The following LMO3 variants were observed in gnomAD, a reference collection of about 807,000 sequenced individuals.
LMO3 encodes LIM domain only 3.
In LMO3, 2 loss-of-function variants were observed where a neutral mutation model predicts 15.8. The ratio of observed to expected loss-of-function variants is 0.13; its 90% CI spans 0.05 to 0.40. The LOEUF is 0.40. Among genes scored for constraint, LMO3 ranks in the 10% least tolerant of loss-of-function variants. The probability of loss-of-function intolerance (pLI) is 0.99; values close to 1 mark genes in which losing one functional copy is unlikely to be tolerated. For synonymous variants in LMO3, 62 were observed against 63.8 expected (o/e 0.97, Z 0.13); for missense variants, 86 against 182.2 (o/e 0.47, Z 3.04).
rs1942984378 is a variant in LMO3, at chr12:16,576,014, T to C, written c.207-15476A>G. Among the ~76,000 whole-genome samples, 1 of 152,062 alleles carries C rather than the reference T, an allele frequency of 6.6e-6. No homozygotes were observed. The highest frequency in any genetic ancestry group is 6.6e-5 in the Admixed American group (1 of 15,264). On this transcript the variant is annotated intron_variant, in intron 2 of 3. Transcript: ENST00000537304. This position sits in a 1 kb window ranked among gnomAD's most constrained non-coding sequence, Gnocchi z 4.1. ...TGCCTCCTCTTCTCAGACCCCCAAA[T>C]CTAGCCCTGCCGCTGTGTTAAAAGG...
At chr12:16,575,655 G>C (rs190920499) in intron 2 of LMO3, among the ~76,000 whole-genome samples, 13 of 152,228 alleles carry the variant, frequency 8.5e-5, no homozygotes, top group Admixed American at 2.6e-4. Context: ...GCGTCACATA[G>C]ATAGATAATA....
intron 2 of LMO3, among the ~76,000 whole-genome samples, chr12:16,572,339 CTTTTTTTT>C (rs59773866): frequency 7.4e-4 from 66 of 89,532 alleles, no homozygotes; most frequent in African/African-American, 2.3e-3. Flanking sequence ...GGTCCAAACT[CTTTTTTTT>C]TTTTTTTTTT....
intron 2 of LMO3, among the ~76,000 whole-genome samples, chr12:16,570,555 T>C (rs1942780772): frequency 6.6e-6 from 1 of 152,188 alleles, no homozygotes; most frequent in East Asian, 1.9e-4. Context: ...GACATTTTCT[T>C]AGATCTTTGT....
intron 3 of LMO3, among the ~76,000 whole-genome samples, chr12:16,557,991 A>ACTT (rs1346869660): frequency 7.9e-5 from 12 of 152,076 alleles, no homozygotes; most frequent in African/African-American, 2.7e-4. Context: ...TGAAGATACA[A>ACTT]CTTATATATC....
rs1039377288 is a variant in LMO3 at position 16,576,434 on chromosome 12, C to T, written c.207-15896G>A. On this transcript the variant is annotated intron_variant, in intron 2 of 3. Transcript: ENST00000537304. This position sits in a 1 kb window ranked among gnomAD's most constrained non-coding sequence, Gnocchi z 4.1. ...TAAATCTATTCTTCCTGGAAGACTACTGCTGCTTTTTTTTCATATTCAGAT... is the reference window on the plus strand; with the variant it reads ...TAAATCTATTCTTCCTGGAAGACTATTGCTGCTTTTTTTTCATATTCAGAT... Among the ~76,000 whole-genome samples, 1 of 152,186 alleles carries T rather than the reference C, an allele frequency of 6.6e-6. No individual in the cohort carries two copies. Among genetic ancestry groups the T allele is most frequent in the Non-Finnish European group, 1.5e-5 (1 of 68,028 alleles).
Position 16,568,664 on chromosome 12 carries a change from C to T in LMO3, c.207-8126G>A, listed in dbSNP as rs115806792. 4.6e-3 allele frequency among the ~76,000 whole-genome samples: 700 copies of T among 152,302 alleles called. 7 individuals carry two copies. Among genetic ancestry groups the T allele is most frequent in the African/African-American group, 0.016 (666 of 41,564 alleles). On this transcript the variant is annotated intron_variant, in intron 2 of 3. Coordinates refer to ENST00000537304, the MANE Select transcript of LMO3 (RefSeq NM_018640.5). ...ACATTGAGATGGTAATCTTTGGATA[C>T]ATTGCATTAAATACGTTGTTTAAAA...
chr12:16,604,188 G>C lies in LMO3; in HGVS notation c.-9+1878C>G, dbSNP rs1392636156. Among the ~76,000 whole-genome samples, 1 of 152,086 alleles carries C rather than the reference G, an allele frequency of 6.6e-6. No individual in the cohort carries two copies. ...GCCCCCAACCCAGGTTGGAAAACTG[G>C]ATTGGGCCTAAAAGCTTGTTTCTCT... On this transcript the variant is annotated intron_variant, in intron 1 of 3. Coordinates refer to ENST00000537304, the MANE Select transcript of LMO3 (RefSeq NM_018640.5). This position sits in a 1 kb window ranked among gnomAD's most constrained non-coding sequence, Gnocchi z 5.3.
At chr12:16,566,039 T>TAAAA (rs1565488443) in intron 2 of LMO3, among the ~76,000 whole-genome samples, 1 of 86,506 alleles carries the variant, frequency 1.2e-5, no homozygotes, top group Non-Finnish European at 2.3e-5. Flanking sequence ...TATATATATA[T>TAAAA]AAAATGGAGT....
rs1030447747 is a variant in LMO3, at chr12:16,597,280, GA to G, written c.206+3374del. Among the ~76,000 whole-genome samples, 1 of 150,678 alleles carries G rather than the reference GA, an allele frequency of 6.6e-6. No homozygotes were observed. Among genetic ancestry groups the G allele is most frequent in the Admixed American group, 6.6e-5 (1 of 15,130 alleles). ...ATATAGCTACTAGTGCCATAAAGGAGAAAAAAAATGGAAAGACATCAAATTT... is the reference window on the plus strand; with the variant it reads ...ATATAGCTACTAGTGCCATAAAGGAGAAAAAAATGGAAAGACATCAAATTT... On this transcript the variant is annotated intron_variant, in intron 2 of 3. Transcript: ENST00000537304. The surrounding 1 kb of genome is among the most constrained non-coding windows in gnomAD (Gnocchi z 5.0).
chr12:16,562,781 C>A (rs952548769), intron 2 of LMO3, among the ~76,000 whole-genome samples: 3 of 152,202 alleles, frequency 2.0e-5, no homozygotes, highest in Admixed American at 6.5e-5. Context: ...TAATAACAGA[C>A]AAATGATTTG....
intron 2 of LMO3, among the ~76,000 whole-genome samples, chr12:16,571,278 A>G (rs1942805193): frequency 2.0e-5 from 3 of 152,134 alleles, no homozygotes. Flanking sequence ...CAAAGGCATC[A>G]GTATTTTATT....
In LMO3 at chr12:16,583,046, CAAA is replaced by C. The variant is rs55665813; in HGVS notation, c.206+17606_206+17608del. The stretch of plus-strand genomic sequence containing the variant: ...TGGGTGACAGTGCGAGACTCCGCCT[CAAA>C]AAAAAAAAAAAAAAAAATCTAAACT... On this transcript the variant is annotated intron_variant, in intron 2 of 3. Transcript: ENST00000537304. 7.8e-3 allele frequency among the ~76,000 whole-genome samples: 989 copies of C among 126,676 alleles called. 12 individuals carry two copies. Among genetic ancestry groups the C allele is most frequent in the African/African-American group, 0.025 (841 of 33,014 alleles). The allele number at this position is 126,676 out of a possible 152,430, so 83.1% of individuals were successfully genotyped here.
At position 16,551,236 on chromosome 12, in the gene LMO3, G is replaced by C; in HGVS notation, c.424C>G (p.Pro142Ala). 1 of 1,604,210 alleles carries C rather than the reference G, an allele frequency of 6.2e-7. No individual in the cohort carries two copies. Residue 142 changes from proline (P) to alanine (A), a missense_variant, in exon 4 of 4, where the codon CCC becomes GCC. Physicochemically the swap from Pro to Ala is conservative, Grantham distance 27. This residue lies in a region of LMO3 where 19 missense variants were observed against 20.0 expected (regional missense o/e 0.95). Transcript: ENST00000537304. ...EEGLMKEGYA[P>A]QVR ...ATGTTGATAGATCAGCGAACCTGGG[G>C]TGCATAACCTTCTTTCATTAAACCT...
intron 2 of LMO3, among the ~76,000 whole-genome samples, chr12:16,570,246 C>T (rs1043397443): frequency 6.6e-6 from 1 of 152,032 alleles, no homozygotes; most frequent in Non-Finnish European, 1.5e-5. Flanking sequence ...TAATACTTTC[C>T]TAAAAATCGG....
chr12:16,581,462 A>G (rs1472465574), intron 2 of LMO3, among the ~76,000 whole-genome samples: 2 of 152,214 alleles, frequency 1.3e-5, no homozygotes, highest in Non-Finnish European at 2.9e-5. Flanking sequence ...GAAAAATAAT[A>G]CTAAAATATA....
In LMO3 at chr12:16,555,063, T is replaced by TAAC. The variant is rs377401304; in HGVS notation, c.333-3739_333-3737dup. ...TTCCTCATCTGTCAAATGAAGCTAA[T>TAAC]AACTACCTATTTATGGGATATTTTG... is the stretch of plus-strand genomic sequence containing the variant. On this transcript the variant is annotated intron_variant, in intron 3 of 3. Transcript: ENST00000537304. The surrounding 1 kb of genome is among the most constrained non-coding windows in gnomAD (Gnocchi z 5.5). Among the ~76,000 whole-genome samples the TAAC allele has an allele frequency of 2.0e-5, 3 of 152,370 alleles. No individual in the cohort carries two copies. Among genetic ancestry groups the TAAC allele is most frequent in the African/African-American group, 7.2e-5 (3 of 41,590 alleles).
At chr12:16,574,160 G>A (rs1265802418) in intron 2 of LMO3, among the ~76,000 whole-genome samples, 6 of 152,052 alleles carry the variant, frequency 3.9e-5, no homozygotes, top group Non-Finnish European at 7.4e-5. Context: ...AAGACCCAGA[G>A]TAAGTTAGAG....
At chr12:16,552,606 A>T (rs1232908733) in intron 3 of LMO3, among the ~76,000 whole-genome samples, 1 of 152,060 alleles carries the variant, frequency 6.6e-6, no homozygotes, top group Non-Finnish European at 1.5e-5. Context: ...AAAAAAGTAG[A>T]CTGAAAAGAA....
At chr12:16,563,074 C>A (rs912828606) in intron 2 of LMO3, among the ~76,000 whole-genome samples, 4 of 152,292 alleles carry the variant, frequency 2.6e-5, no homozygotes, top group South Asian at 2.1e-4. Context: ...TCGCTGGAGG[C>A]TCCATCAGTT....
Sources: gnomAD v4.1 joint callset for allele counts (sites outside exome capture counted in the v4.1 genomes callset) on GRCh38, gnomAD v4.1.1 for gene constraint, gnomAD v4.1.1 regional missense constraint, Gnocchi (gnomAD v3.1) non-coding constraint, MANE v1.5 for transcripts, NCBI Gene and HGNC (gene_info 2026-07-23, HGNC 2026-07-21) for gene names.